Variants in RALYL observed in about 807,000 individuals in gnomAD.
RALYL encodes RNA-binding Raly-like protein.
A neutral mutation model predicts 35.1 loss-of-function variants in RALYL; 29 were observed. The ratio of observed to expected loss-of-function variants is 0.83; its 90% CI spans 0.61 to 1.13. The LOEUF is 1.13. Among genes scored for constraint, RALYL ranks in the 50% most tolerant of loss-of-function variants. The pLI, the probability that RALYL is intolerant of heterozygous loss-of-function variation, is 0.00. For missense variants in RALYL, 359 were observed against 360.4 expected, an observed-to-expected ratio of 1.00 and a Z score of 0.03; for synonymous variants, 120 against 127.6, an observed-to-expected ratio of 0.94 and a Z score of 0.40.
chr8:84,461,815 AT>A (rs1222770466), intron 1 of RALYL, among the ~76,000 whole-genome samples: 1 of 151,702 alleles, frequency 6.6e-6, no homozygotes. Context: ...ATAAGTCTTC[AT>A]CCCCCTTCCT....
intron 1 of RALYL, among the ~76,000 whole-genome samples, chr8:84,226,338 A>T (rs1238976857): frequency 6.6e-6 from 1 of 152,150 alleles, no homozygotes; most frequent in Non-Finnish European, 1.5e-5. Context: ...CCCTGGTGCC[A>T]AAAAGGTTGG....
At chr8:84,561,905 C>T (rs184498199) in intron 2 of RALYL, among the ~76,000 whole-genome samples, 7 of 152,076 alleles carry the variant, frequency 4.6e-5, no homozygotes, top group Non-Finnish European at 8.8e-5. Context: ...CAACAGTTGA[C>T]CTCCAGGTAC....
intron 2 of RALYL, among the ~76,000 whole-genome samples, chr8:84,563,280 T>TGAGGAAACAC (rs2061576750): frequency 6.6e-6 from 1 of 151,712 alleles, no homozygotes; most frequent in Non-Finnish European, 1.5e-5. Flanking sequence ...TCATGAAACA[T>TGAGGAAACAC]AAGCTCATGA....
At chr8:84,516,822 C>G (rs2058102533) in intron 1 of RALYL, among the ~76,000 whole-genome samples, 1 of 152,098 alleles carries the variant, frequency 6.6e-6, no homozygotes, top group Admixed American at 6.6e-5. Context: ...GGTATTCTAT[C>G]TTCTTATTTT....
chr8:84,522,249 ATT>A (rs34104122), intron 1 of RALYL, among the ~76,000 whole-genome samples: 11 of 133,852 alleles, frequency 8.2e-5, no homozygotes, highest in African/African-American at 1.7e-4. Context: ...TAGAAAGGAA[ATT>A]TTTTTTTTTT....
intron 2 of RALYL, among the ~76,000 whole-genome samples, chr8:84,694,012 T>C (rs1838626741): frequency 6.6e-6 from 1 of 151,846 alleles, no homozygotes; most frequent in African/African-American, 2.4e-5. Flanking sequence ...CAGCTAACAT[T>C]TAACCAATGG....
chr8:84,503,583 G>T (rs1243480598), intron 1 of RALYL, among the ~76,000 whole-genome samples: 2 of 152,086 alleles, frequency 1.3e-5, no homozygotes, highest in South Asian at 2.1e-4. Flanking sequence ...GGGCATGGTG[G>T]CTCACACCTG....
intron 2 of RALYL, among the ~76,000 whole-genome samples, chr8:84,689,342 T>C (rs1056418279): frequency 2.0e-5 from 3 of 152,144 alleles, no homozygotes; most frequent in East Asian, 1.9e-4. Flanking sequence ...GGTTTTTTGT[T>C]CTTGCGATAG....
intron 1 of RALYL, among the ~76,000 whole-genome samples, chr8:84,454,319 G>GCT (rs200254636): frequency 0.043 from 6,530 of 152,008 alleles, 166 homozygotes; most frequent in Middle Eastern, 0.078. Flanking sequence ...TGTTTGAGGA[G>GCT]GTAGGGCAAA....
chr8:84,274,254 C>T (rs2131987834), intron 1 of RALYL, among the ~76,000 whole-genome samples: 2 of 152,212 alleles, frequency 1.3e-5, no homozygotes, highest in South Asian at 4.1e-4. Context: ...AGCAAAATGC[C>T]TTTACTTTCA....
At chr8:84,891,798 A>C (rs1843901781) in intron 8 of RALYL, among the ~76,000 whole-genome samples, 1 of 152,170 alleles carries the variant, frequency 6.6e-6, no homozygotes, top group African/African-American at 2.4e-5. Context: ...AGGCTACTGA[A>C]CCAAACCATC....
chr8:84,374,763 G>A (rs1342267170), intron 1 of RALYL, among the ~76,000 whole-genome samples: 1 of 151,792 alleles, frequency 6.6e-6, no homozygotes, highest in African/African-American at 2.4e-5. Context: ...TGGGTACTAA[G>A]CTTAGTATCT....
At chr8:84,221,478 G>A (rs1307860956) in intron 1 of RALYL, among the ~76,000 whole-genome samples, 4 of 151,950 alleles carry the variant, frequency 2.6e-5, no homozygotes, top group South Asian at 2.1e-4. Flanking sequence ...GGGAAATCTT[G>A]GGTTCAGATA....
intron 2 of RALYL, among the ~76,000 whole-genome samples, chr8:84,618,272 T>C (rs1414848084): frequency 1.3e-5 from 2 of 151,566 alleles, no homozygotes; most frequent in African/African-American, 2.4e-5. Context: ...AATTTCAGAG[T>C]CTGTTATTGG....
At chr8:84,300,091 T>G (rs1329926476) in intron 1 of RALYL, among the ~76,000 whole-genome samples, 2 of 152,158 alleles carry the variant, frequency 1.3e-5, no homozygotes, top group Admixed American at 1.3e-4. Context: ...TAAACTTTCC[T>G]CTTAGCACTG....
intron 1 of RALYL, among the ~76,000 whole-genome samples, chr8:84,349,112 T>C (rs957843143): frequency 6.7e-6 from 1 of 150,092 alleles, no homozygotes; most frequent in African/African-American, 2.5e-5. Context: ...CAATTTTTCT[T>C]GGCTTTCCCT....
At chr8:84,765,005 GT>G (rs1159132228) in intron 2 of RALYL, among the ~76,000 whole-genome samples, 2 of 152,098 alleles carry the variant, frequency 1.3e-5, no homozygotes, top group Non-Finnish European at 1.5e-5. Context: ...ACATTTGTGG[GT>G]TTTTTTGTTT....
At chr8:84,636,710 C>G (rs117974898) in intron 2 of RALYL, among the ~76,000 whole-genome samples, 570 of 151,940 alleles carry the variant, frequency 3.8e-3, no homozygotes, top group Middle Eastern at 6.8e-3. Flanking sequence ...GGCTATTCCA[C>G]ACTTACTTTT....
At chr8:84,850,691 T>C (rs1835669094) in intron 5 of RALYL, among the ~76,000 whole-genome samples, 1 of 152,252 alleles carries the variant, frequency 6.6e-6, no homozygotes, top group Admixed American at 6.5e-5. Flanking sequence ...AAAGAACACT[T>C]ATCAAAAGTA....
Sources: gnomAD v4.1 joint callset for allele counts (sites outside exome capture counted in the v4.1 genomes callset) on GRCh38, gnomAD v4.1.1 for gene constraint, MANE v1.5 for transcripts, NCBI Gene and HGNC (gene_info 2026-07-23, HGNC 2026-07-21) for gene names.